SEMA5A: variants seen among roughly 807,000 people sequenced by gnomAD.
The protein encoded by SEMA5A is semaphorin-5A.
SEMA5A carries 55 observed loss-of-function variants against 135.5 expected under a neutral mutation model. That is an observed-to-expected ratio of 0.41 (90% CI 0.33 to 0.51). The LOEUF (loss-of-function observed/expected upper bound fraction) is 0.51, where lower values mean the gene tolerates loss of function less well. Ranked by LOEUF, SEMA5A falls within the 20% of genes least tolerant of loss-of-function variation. The probability of loss-of-function intolerance (pLI) is 0.37; values close to 1 mark genes in which losing one functional copy is unlikely to be tolerated. For missense variants in SEMA5A, 1,290 were observed against 1,419.9 expected, an observed-to-expected ratio of 0.91 and a Z score of 1.47; for synonymous variants, 580 against 546.5, an observed-to-expected ratio of 1.06 and a Z score of -0.85.
At chr5:9,460,612 C>T (rs2126728052) in intron 1 of SEMA5A, among the ~76,000 whole-genome samples, 1 of 152,250 alleles carries the variant, frequency 6.6e-6, no homozygotes, top group South Asian at 2.1e-4. Flanking sequence ...ATTTTGATTA[C>T]TTCTCTACTT....
In SEMA5A at chr5:9,206,076, T is replaced by C. The variant is rs1294577259; in HGVS notation, c.647-3836A>G. On this transcript the variant is annotated intron_variant, in intron 8 of 22. Transcript: ENST00000382496. The stretch of plus-strand genomic sequence containing the variant: ...TCCATTATTTAAGTTCTGTCTTTTC[T>C]CAAAATGCAATCCACCACAAACTAG... 2.6e-5 allele frequency among the ~76,000 whole-genome samples: 4 copies of C among 152,320 alleles called. No individual in the cohort carries two copies. The East Asian group carries it at 5.8e-4, about 22-fold the overall frequency.
chr5:9,473,423 A>G (rs960927463), intron 1 of SEMA5A, among the ~76,000 whole-genome samples: 3 of 142,140 alleles, frequency 2.1e-5, no homozygotes, highest in African/African-American at 7.6e-5. Flanking sequence ...ACCAACCAAT[A>G]AGCCCATGTA....
intron 1 of SEMA5A, among the ~76,000 whole-genome samples, chr5:9,536,594 C>A (rs754033716): frequency 1.4e-5 from 2 of 146,306 alleles, no homozygotes; most frequent in African/African-American, 2.5e-5. Flanking sequence ...GCCTGGAGAA[C>A]AGAACAAGAC....
rs1400640073 is a variant in SEMA5A, at chr5:9,151,129, A to AT, written c.1481+3358dup. On this transcript the variant is annotated intron_variant, in intron 12 of 22. Coordinates refer to ENST00000382496, the MANE Select transcript of SEMA5A (RefSeq NM_003966.3). Reference sequence around the variant, plus strand: ...CTACTTTACTTTCAGGATTGACATAATAATCCCGCCAAATTCTCACAAAAT... The same window carrying AT: ...CTACTTTACTTTCAGGATTGACATAATTAATCCCGCCAAATTCTCACAAAAT... Among the ~76,000 whole-genome samples, 4 of 152,220 alleles carry AT rather than the reference A, an allele frequency of 2.6e-5. No individual in the cohort carries two copies. The East Asian group carries it at 7.7e-4, about 29-fold the overall frequency.
rs771249438 is a variant in SEMA5A at position 9,051,868 on chromosome 5, C to T, written c.2845+5G>A. ...ATTCTTACTGATAAATACCTCTGCT[C>T]TTACCTGGGATGAAATTAGAGTCAA... On this transcript the variant is annotated splice_donor_5th_base_variant and intron_variant, in intron 20 of 22. Transcript: ENST00000382496. 1 of 1,614,166 alleles carries T rather than the reference C, an allele frequency of 6.2e-7. No individual in the cohort carries two copies. The highest frequency in any genetic ancestry group is 8.5e-7 in the Non-Finnish European group (1 of 1,180,026).
At chr5:9,383,368 C>A (rs1231443334) in intron 2 of SEMA5A, among the ~76,000 whole-genome samples, 1 of 152,144 alleles carries the variant, frequency 6.6e-6, no homozygotes, top group Non-Finnish European at 1.5e-5. Flanking sequence ...GTTTGGGGCA[C>A]CCATATCAGT....
At chr5:9,431,318 TG>T (rs1255679794) in intron 2 of SEMA5A, among the ~76,000 whole-genome samples, 1 of 152,192 alleles carries the variant, frequency 6.6e-6, no homozygotes, top group Non-Finnish European at 1.5e-5. Flanking sequence ...TCCTCAGCAC[TG>T]GAAATGTAAG....
At chr5:9,147,742 A>C (rs1361971618) in intron 12 of SEMA5A, among the ~76,000 whole-genome samples, 4 of 150,156 alleles carry the variant, frequency 2.7e-5, no homozygotes, top group South Asian at 2.1e-4. Flanking sequence ...AAAAAAAAAA[A>C]CCCACCTAAG....
At chr5:9,131,382 G>A (rs1741403367) in intron 13 of SEMA5A, among the ~76,000 whole-genome samples, 1 of 152,022 alleles carries the variant, frequency 6.6e-6, no homozygotes, top group Non-Finnish European at 1.5e-5. Flanking sequence ...GCCGAGGCGG[G>A]TGGATCAAAA....
At chr5:9,259,401 C>A (rs1749277798) in intron 5 of SEMA5A, among the ~76,000 whole-genome samples, 1 of 151,816 alleles carries the variant, frequency 6.6e-6, no homozygotes, top group South Asian at 2.1e-4. Flanking sequence ...AGTTTGATTG[C>A]ACTGTGGTCT....
chr5:9,234,370 GT>G (rs2150442729), intron 6 of SEMA5A, among the ~76,000 whole-genome samples: 1 of 152,294 alleles, frequency 6.6e-6, no homozygotes, highest in South Asian at 2.1e-4. Flanking sequence ...CAGTTACTAT[GT>G]TAAGAAAGCA....
At position 9,329,573 on chromosome 5, in the gene SEMA5A, A is replaced by G. The variant is rs11951368; in HGVS notation, c.224+8140T>C. 3.2e-3 allele frequency among the ~76,000 whole-genome samples: 490 copies of G among 152,340 alleles called. 1 individual carries two copies. The highest frequency in any genetic ancestry group is 0.011 in the African/African-American group (466 of 41,568). ...AGTAACACAGAGTCTTGAAAGAAGA[A>G]CTACATGAACTAATACATTTGGATG... On this transcript the variant is annotated intron_variant, in intron 4 of 22. Transcript: ENST00000382496.
At position 9,154,045 on chromosome 5, in the gene SEMA5A, C is replaced by CAAAAA. The variant is rs1157417525; in HGVS notation, c.1481+438_1481+442dup. ...TGGGTGACAGAGTGAGACTGTGTCT[C>CAAAAA]AAAAAAAAAAAAAAAAAATATATAT... On this transcript the variant is annotated intron_variant, in intron 12 of 22. Coordinates refer to ENST00000382496, the MANE Select transcript of SEMA5A (RefSeq NM_003966.3). Among the ~76,000 whole-genome samples the CAAAAA allele has an allele frequency of 2.5e-3, 86 of 34,148 alleles. 1 individual carries two copies. Among genetic ancestry groups the CAAAAA allele is most frequent in the East Asian group, 3.3e-3 (3 of 914 alleles). 22.4% of individuals were successfully genotyped at this position (34,148 alleles called of 152,430 possible). A position where few individuals can be genotyped will look rare whatever the true frequency, so the allele number is the denominator to read the frequency against.
intron 5 of SEMA5A, among the ~76,000 whole-genome samples, chr5:9,251,264 T>C (rs984653892): frequency 1.3e-5 from 2 of 152,184 alleles, no homozygotes; most frequent in Non-Finnish European, 2.9e-5. Flanking sequence ...ATATTTTATA[T>C]AAATTACCCA....
chr5:9,072,430 G>A (rs1737820059), intron 16 of SEMA5A, among the ~76,000 whole-genome samples: 1 of 152,194 alleles, frequency 6.6e-6, no homozygotes, highest in Non-Finnish European at 1.5e-5. Flanking sequence ...GATTTCAATT[G>A]AGTACAAATC....
At chr5:9,082,615 G>A (rs574146549) in intron 16 of SEMA5A, among the ~76,000 whole-genome samples, 2 of 152,258 alleles carry the variant, frequency 1.3e-5, no homozygotes, top group South Asian at 4.1e-4. Flanking sequence ...TCTATAAAAT[G>A]GGATAGAAAG....
At chr5:9,519,066 T>C (rs1736677349) in intron 1 of SEMA5A, among the ~76,000 whole-genome samples, 2 of 152,230 alleles carry the variant, frequency 1.3e-5, no homozygotes, top group South Asian at 4.1e-4. Context: ...AGCATATTTA[T>C]GTGAGTTTTT....
At chr5:9,493,294 T>A (rs1211847868) in intron 1 of SEMA5A, among the ~76,000 whole-genome samples, 3 of 150,746 alleles carry the variant, frequency 2.0e-5, no homozygotes, top group Admixed American at 6.6e-5. Flanking sequence ...TCTATCTATC[T>A]ATCTATATAT....
rs1315245221 is a variant in SEMA5A at position 9,226,947 on chromosome 5, G to T, written c.354C>A (p.Ile118=). The T allele has an allele frequency of 1.3e-6, 2 of 1,552,490 alleles. No individual in the cohort carries two copies. Among genetic ancestry groups the T allele is most frequent in the East Asian group, 2.4e-5 (1 of 41,660 alleles). ...GKSKEECQNY[I]RVLLVGGDRL... ...GGTCGCCACCCACCAGAAGCACCCG[G>T]ATGTAGTTCTGACATTCCTCCTGAG... Residue 118 remains isoleucine, a synonymous_variant, in exon 7 of 23, where the codon ATC becomes ATA. Transcript: ENST00000382496.
Sources: allele counts gnomAD v4.1 joint callset (sites outside exome capture counted in the v4.1 genomes callset), GRCh38; gene constraint gnomAD v4.1.1; transcripts MANE v1.5; gene names NCBI Gene and HGNC (gene_info 2026-07-23, HGNC 2026-07-21).